Variants in MPPE1 observed in about 807,000 individuals in gnomAD.
MPPE1 encodes metallo phosphoesterase.
Under a neutral mutation model 43.8 loss-of-function variants are expected in MPPE1, and 28 were observed. The observed-to-expected ratio is 0.64, with a 90% CI of 0.47 to 0.88. The LOEUF (loss-of-function observed/expected upper bound fraction) is 0.88. Ranked by LOEUF, MPPE1 falls within the 40% of genes least tolerant of loss-of-function variation. The pLI, the probability that MPPE1 is intolerant of heterozygous loss-of-function variation, is 0.00. For synonymous variants in MPPE1, 159 were observed against 188.5 expected (o/e 0.84, Z 1.28); for missense variants, 428 against 492.2 (o/e 0.87, Z 1.23).
chr18:11,899,135 G>C (rs2038888277), intron 2 of MPPE1, among the ~76,000 whole-genome samples: 1 of 151,880 alleles, frequency 6.6e-6, no homozygotes, highest in Admixed American at 6.6e-5. Flanking sequence ...GGCTAGTCTT[G>C]AACTCCTGAG....
intron 3 of MPPE1, among the ~76,000 whole-genome samples, chr18:11,896,480 G>A (rs969351529): frequency 1.3e-5 from 2 of 152,176 alleles, no homozygotes; most frequent in African/African-American, 4.8e-5. Context: ...TGGAAAGATA[G>A]GACCTGATCC....
chr18:11,887,028 G>C lies in MPPE1; in HGVS notation c.570-3C>G. 6.2e-7 allele frequency: 1 copy of C among 1,605,842 alleles called. No homozygotes were observed. The highest frequency in any genetic ancestry group is 1.1e-5 in the South Asian group (1 of 90,764). On this transcript the variant is annotated splice_polypyrimidine_tract_variant and splice_region_variant and intron_variant, in intron 6 of 10. Transcript: ENST00000588072. ...CCACGCTGTTGACCATCACAAAGCT[G>C]AAGCGGAGGGAAACGCAGGTGAGGC...
rs543217812 is a variant in MPPE1, at chr18:11,884,203, A to G, written c.*242T>C. 7.6e-4 allele frequency: 372 copies of G among 486,634 alleles called. 2 individuals are homozygous for G. The highest frequency in any genetic ancestry group is 2.3e-3 in the Middle Eastern group (4 of 1,730). The allele number at this position is 486,634 out of a possible 1,614,324, so 30.1% of individuals were successfully genotyped here. On this transcript the variant is annotated 3_prime_UTR_variant, in exon 11 of 11. Transcript: ENST00000588072. ...ACATACTGTACAGATGCAACCTTTG[A>G]TGATACATATATTTGATAAAAATGA...
chr18:11,903,257 G>A (rs1191028380), intron 2 of MPPE1, among the ~76,000 whole-genome samples: 1 of 152,180 alleles, frequency 6.6e-6, no homozygotes, highest in African/African-American at 2.4e-5. Context: ...AGATGCCAGA[G>A]AGGGGCAACT....
Position 11,884,829 on chromosome 18 carries a change from G to A in MPPE1, c.1009-202C>T, listed in dbSNP as rs978759536. 7 of 1,397,720 alleles carry A rather than the reference G, an allele frequency of 5.0e-6. No individual in the cohort carries two copies. In the African/African-American group the frequency reaches 5.8e-5, roughly 12 times the overall value. The allele number at this position is 1,397,720 out of a possible 1,614,324, so 86.6% of individuals were successfully genotyped here. On this transcript the variant is annotated intron_variant, in intron 10 of 10. Transcript: ENST00000588072. ...GACCAGCCCAGGCTCCAGCAGGAGA[G>A]ACAAGTAAGGCCCAAGTGTGCCTGA...
At chr18:11,896,924 G>A (rs1186226921) in intron 3 of MPPE1, 60 bp downstream of exon 3, 2 of 1,463,326 alleles carry the variant, frequency 1.4e-6, no homozygotes, top group Non-Finnish European at 1.9e-6. Flanking sequence ...TGCCTATGAG[G>A]AGAGGGCTAT....
At chr18:11,889,296 G>A in intron 5 of MPPE1, 91 bp downstream of exon 5, 1 of 801,258 alleles carries the variant, frequency 1.2e-6, no homozygotes. Context: ...TTTCAAGACA[G>A]CACAAATAGG....
Position 11,888,670 on chromosome 18 carries a change from T to C in MPPE1, c.568A>G (p.Asn190Asp), listed in dbSNP as rs1425660308. 2 of 1,589,750 alleles carry C rather than the reference T, an allele frequency of 1.3e-6. No homozygotes were observed. Among genetic ancestry groups the C allele is most frequent in the Non-Finnish European group, 1.7e-6 (2 of 1,165,868 alleles). ...GAAGAATTTACAAATAATACTCACT[T>C]AATGCCTTTCCAAGAAAACAGTCTT... ...SERLFSWKGI[N>D]FVMVNSVALN... Residue 190 changes from asparagine (N) to aspartate (D), a missense_variant and splice_region_variant, in exon 6 of 11, where the codon AAC becomes GAC. This residue lies in a region of MPPE1 where 379 missense variants were observed against 402.5 expected (regional missense o/e 0.94). Transcript: ENST00000588072.
chr18:11,887,075 CT>C, intron 6 of MPPE1, 50 bp from the exon 7 acceptor site: 1 of 1,336,954 alleles, frequency 7.5e-7, no homozygotes, highest in Non-Finnish European at 1.1e-6. Flanking sequence ...TCAGTGCTTT[CT>C]TTTCCCTACT....
intron 2 of MPPE1, among the ~76,000 whole-genome samples, chr18:11,900,118 G>A (rs1181648985): frequency 6.6e-6 from 1 of 152,116 alleles, no homozygotes; most frequent in African/African-American, 2.4e-5. Flanking sequence ...AGGCCAAGGT[G>A]GGCGGATCAC....
chr18:11,890,237 TG>T lies in MPPE1; in HGVS notation c.391-748del, dbSNP rs1476395264. On this transcript the variant is annotated intron_variant, in intron 4 of 10. Coordinates refer to ENST00000588072, the MANE Select transcript of MPPE1 (RefSeq NM_023075.6). ...GATTACAGGCGTGAGCCACCACACT[TG>T]GCCATAATATGTCTTTTTTAAAATT... is the stretch of plus-strand genomic sequence containing the variant. 2.7e-3 allele frequency among the ~76,000 whole-genome samples: 415 copies of T among 151,434 alleles called. 3 individuals carry two copies. The highest frequency in any genetic ancestry group is 9.3e-3 in the African/African-American group (384 of 41,306).
intron 2 of MPPE1, among the ~76,000 whole-genome samples, chr18:11,900,656 C>T (rs945572505): frequency 6.6e-6 from 1 of 152,052 alleles, no homozygotes; most frequent in South Asian, 2.1e-4. Context: ...ACCTGTAATC[C>T]CAGCACTTTG....
chr18:11,892,323 G>C (rs1233976724), intron 4 of MPPE1, among the ~76,000 whole-genome samples: 2 of 145,644 alleles, frequency 1.4e-5, no homozygotes, highest in African/African-American at 5.1e-5. Context: ...CTGGGTGACA[G>C]AGTGAGACTC....
intron 4 of MPPE1, 67 bp downstream of exon 4, chr18:11,893,401 G>T: frequency 1.8e-6 from 2 of 1,105,290 alleles, no homozygotes; most frequent in Non-Finnish European, 2.7e-6. Context: ...ACTGATTCGT[G>T]GATTCTCTGG....
At chr18:11,892,272 G>A (rs1308464692) in intron 4 of MPPE1, among the ~76,000 whole-genome samples, 6 of 151,474 alleles carry the variant, frequency 4.0e-5, no homozygotes, top group South Asian at 2.1e-4. Context: ...CCCAGAAGGC[G>A]GAGGTTGCAG....
intron 2 of MPPE1, among the ~76,000 whole-genome samples, chr18:11,900,835 A>T (rs2039106899): frequency 6.6e-6 from 1 of 151,520 alleles, no homozygotes; most frequent in East Asian, 2.0e-4. Context: ...TGAACCCAGG[A>T]GGCAAAGCCT....
intron 1 of MPPE1, among the ~76,000 whole-genome samples, chr18:11,907,534 T>A (rs1396845051): frequency 6.6e-6 from 1 of 152,204 alleles, no homozygotes; most frequent in African/African-American, 2.4e-5. Context: ...GAGTTTTGAC[T>A]TTTTGTCAAC....
intron 10 of MPPE1, chr18:11,884,924 T>C (rs1003264535): frequency 1.3e-5 from 17 of 1,288,252 alleles, no homozygotes; most frequent in African/African-American, 6.1e-5. Flanking sequence ...TCAAATATAG[T>C]GGGGGATCCA....
At chr18:11,893,281 T>A (rs931548282) in intron 4 of MPPE1, 187 bp downstream of exon 4, 18 of 555,400 alleles carry the variant, frequency 3.2e-5, no homozygotes, top group Non-Finnish European at 4.5e-5. Context: ...GATTGAGTTG[T>A]TCTAATAATC....
Sources: allele counts gnomAD v4.1 joint callset (sites outside exome capture counted in the v4.1 genomes callset), GRCh38; gene constraint gnomAD v4.1.1; regional missense constraint gnomAD v4.1.1; transcripts MANE v1.5; gene names NCBI Gene and HGNC (gene_info 2026-07-23, HGNC 2026-07-21).